Variants in RSPH3 observed in about 807,000 individuals in gnomAD.
The protein encoded by RSPH3 is radial spoke head 3.
RSPH3 carries 21 observed loss-of-function variants against 43.8 expected under a neutral mutation model. The ratio of observed to expected loss-of-function variants is 0.48; its 90% CI spans 0.34 to 0.69. The LOEUF is 0.69. Among genes scored for constraint, RSPH3 ranks in the 30% least tolerant of loss-of-function variants. The pLI, the probability that RSPH3 is intolerant of heterozygous loss-of-function variation, is 0.01. For synonymous variants in RSPH3, 173 were observed against 179.8 expected, an observed-to-expected ratio of 0.96 and a Z score of 0.30; for missense variants, 487 against 516.0, an observed-to-expected ratio of 0.94 and a Z score of 0.54.
In RSPH3 at chr6:158,995,805, T is replaced by A. The variant is rs529804212; in HGVS notation, c.117-1879A>T. On this transcript the variant is annotated intron_variant, in intron 1 of 7. Coordinates refer to ENST00000367069, the MANE Select transcript of RSPH3 (RefSeq NM_031924.8). ...TAGTAGAGACGGGGTTTCACCGTGT[T>A]AGCCAGGATGGTCTGGATCTCCTGA... 6.6e-5 allele frequency among the ~76,000 whole-genome samples: 10 copies of A among 152,244 alleles called. No individual in the cohort carries two copies. In the East Asian group the frequency reaches 1.9e-3, roughly 29 times the overall value.
chr6:158,988,064 G>A (rs188414156), intron 2 of RSPH3: 1 of 152,312 alleles, frequency 6.6e-6, no homozygotes, highest in East Asian at 1.9e-4. Flanking sequence ...GGGCGTGGTG[G>A]TGCTGAATTT....
chr6:158,994,035 A>T, intron 1 of RSPH3, 109 bp from the exon 2 acceptor site: 1 of 607,210 alleles, frequency 1.6e-6, no homozygotes, highest in Non-Finnish European at 2.8e-6. Context: ...TAAGAAAATA[A>T]ATTTCTGTTT....
intron 3 of RSPH3, 78 bp from the exon 4 acceptor site, chr6:158,983,885 G>A (rs111627326): frequency 1.9e-6 from 2 of 1,068,378 alleles, no homozygotes; most frequent in South Asian, 2.6e-5. Flanking sequence ...CATAATCCCA[G>A]CACTTTGGGA....
intron 2 of RSPH3, among the ~76,000 whole-genome samples, chr6:158,990,197 A>C (rs960935249): frequency 1.3e-5 from 2 of 152,054 alleles, no homozygotes; most frequent in South Asian, 2.1e-4. Flanking sequence ...ATATATATAT[A>C]TCTATTCCAT....
intron 1 of RSPH3, among the ~76,000 whole-genome samples, chr6:158,999,200 A>G (rs1778753378): frequency 6.6e-6 from 1 of 150,510 alleles, no homozygotes; most frequent in Non-Finnish European, 1.5e-5. Context: ...TGTACATGTT[A>G]AGGACCACGG....
chr6:158,979,130 C>T (rs12206951), intron 6 of RSPH3, among the ~76,000 whole-genome samples: 2,709 of 152,228 alleles, frequency 0.018, 34 homozygotes, highest in Middle Eastern at 0.024. Flanking sequence ...CCATCAGTAT[C>T]AAGTTTGTTC....
At chr6:158,967,185 A>ATT in the RSPH3 span, among the ~76,000 whole-genome samples, 1 of 149,156 alleles carries the variant, frequency 6.7e-6, no homozygotes, top group Non-Finnish European at 1.5e-5. Flanking sequence ...TAATTTTTGT[A>ATT]TTTTTTTTTG....
At chr6:158,984,115 C>A (rs2128607130) in intron 3 of RSPH3, among the ~76,000 whole-genome samples, 1 of 151,944 alleles carries the variant, frequency 6.6e-6, no homozygotes, top group Admixed American at 6.6e-5. Context: ...GCCTGGGCAA[C>A]ACAGTGAGAC....
the RSPH3 span, among the ~76,000 whole-genome samples, chr6:158,964,901 C>T: frequency 2.0e-5 from 3 of 152,110 alleles, no homozygotes; most frequent in African/African-American, 7.2e-5. Context: ...TCCACAGTCA[C>T]AATGTTTTAC....
the RSPH3 span, among the ~76,000 whole-genome samples, chr6:158,963,338 TC>T: frequency 7.4e-6 from 1 of 135,784 alleles, no homozygotes; most frequent in African/African-American, 2.6e-5. Flanking sequence ...CTTCCTTCCT[TC>T]TCCTTCCTTC....
At chr6:158,985,391 G>C (rs1242086031) in intron 3 of RSPH3, among the ~76,000 whole-genome samples, 2 of 152,212 alleles carry the variant, frequency 1.3e-5, no homozygotes, top group East Asian at 3.8e-4. Flanking sequence ...TGGGCTATGA[G>C]AAAGGATCCC....
chr6:158,985,806 C>T (rs1339332805), intron 3 of RSPH3, among the ~76,000 whole-genome samples: 1 of 148,802 alleles, frequency 6.7e-6, no homozygotes, highest in Non-Finnish European at 1.5e-5. Flanking sequence ...ATTTCTCTCT[C>T]TCTCTCTCTC....
intron 2 of RSPH3, among the ~76,000 whole-genome samples, chr6:158,991,964 C>T (rs1778421493): frequency 6.6e-6 from 1 of 151,364 alleles, no homozygotes; most frequent in African/African-American, 2.4e-5. Flanking sequence ...TTTAATATTT[C>T]ATAAATTATA....
the RSPH3 span, among the ~76,000 whole-genome samples, chr6:158,964,220 ATC>A: frequency 3.3e-4 from 50 of 152,308 alleles, no homozygotes; most frequent in Non-Finnish European, 4.9e-4. Context: ...CTCTAATATA[ATC>A]TCAGAATAAA....
the RSPH3 span, among the ~76,000 whole-genome samples, chr6:158,966,286 T>A: frequency 6.6e-6 from 1 of 152,166 alleles, no homozygotes; most frequent in East Asian, 1.9e-4. Context: ...AGGATATTGG[T>A]CTACAGTTTT....
rs34756688 is a variant in RSPH3, at chr6:158,986,323, T to C, written c.303A>G (p.Thr101=). Residue 101 remains threonine, a synonymous_variant, in exon 3 of 8, where the codon ACA becomes ACG. Coordinates refer to ENST00000367069, the MANE Select transcript of RSPH3 (RefSeq NM_031924.8). ...GCTTTCTGCCTTCCACAGGTTCAGG[T>C]GTTTGTGGTCTGAGCTGCTCTTGGG... is the stretch of plus-strand genomic sequence containing the variant. The part of the protein sequence containing the change: ...KQAQEQLRPQ[T]PEPVEGRKHV... 0.021 allele frequency: 34,276 copies of C among 1,614,006 alleles called. 415 individuals carry two copies. The highest frequency in any genetic ancestry group is 0.025 in the Middle Eastern group (150 of 6,060).
chr6:158,996,852 T>G (rs1321684128), intron 1 of RSPH3, among the ~76,000 whole-genome samples: 2 of 152,138 alleles, frequency 1.3e-5, no homozygotes, highest in Non-Finnish European at 2.9e-5. Context: ...ACATGGAAAT[T>G]TAATTTCCAA....
chr6:158,983,061 T>C (rs1258511153), intron 4 of RSPH3, among the ~76,000 whole-genome samples: 2 of 152,210 alleles, frequency 1.3e-5, no homozygotes, highest in Non-Finnish European at 2.9e-5. Flanking sequence ...TGCTAGGATT[T>C]ATAGGCAAAT....
intron 2 of RSPH3, among the ~76,000 whole-genome samples, chr6:158,993,393 G>A (rs1242279849): frequency 1.3e-5 from 2 of 151,008 alleles, no homozygotes; most frequent in African/African-American, 4.9e-5. Context: ...TGGGATTACA[G>A]GCGTGAGCCA....
Sources: allele counts gnomAD v4.1 joint callset (sites outside exome capture counted in the v4.1 genomes callset), GRCh38; gene constraint gnomAD v4.1.1; transcripts MANE v1.5; gene names NCBI Gene and HGNC (gene_info 2026-07-23, HGNC 2026-07-21).